The following LIPG variants were observed in gnomAD, a reference collection of about 807,000 sequenced individuals.
The protein encoded by LIPG is lipase G, endothelial type, also known as endothelial lipase.
In LIPG, 34 loss-of-function variants were observed where a neutral mutation model predicts 51.8. The observed-to-expected ratio is 0.66, with a 90% CI of 0.50 to 0.87. The LOEUF (loss-of-function observed/expected upper bound fraction) is 0.87. Ranked by LOEUF, LIPG falls within the 40% of genes least tolerant of loss-of-function variation. The pLI is 0.00. For missense variants in LIPG, 580 were observed against 652.7 expected, an observed-to-expected ratio of 0.89 and a Z score of 1.21; for synonymous variants, 246 against 246.1, an observed-to-expected ratio of 1.00 and a Z score of 0.00.
chr18:49,582,118 C>T (rs1179633204), intron 6 of LIPG, among the ~76,000 whole-genome samples: 1 of 152,068 alleles, frequency 6.6e-6, no homozygotes, highest in East Asian at 1.9e-4. Context: ...TCCAGGGGCA[C>T]GTAGTTAGAA....
Position 49,594,067 on chromosome 18 carries a change from G to C in LIPG, c.*3545G>C, listed in dbSNP as rs1410746257. 1.3e-5 allele frequency: 2 copies of C among 152,084 alleles called. No individual in the cohort carries two copies. The highest frequency in any genetic ancestry group is 2.9e-5 in the Non-Finnish European group (2 of 68,026). 9.4% of individuals were successfully genotyped at this position (152,084 alleles called of 1,614,324 possible). On this transcript the variant is annotated 3_prime_UTR_variant, in exon 10 of 10. Transcript: ENST00000261292. ...ATTAACTCTAGTTTTACCCTTCAGT[G>C]GTATAGGACACTAGAATTTATTCCT...
Position 49,596,824 on chromosome 18 carries a change from C to T in LIPG, c.*6302C>T, listed in dbSNP as rs532517016. The T allele has an allele frequency of 6.6e-6, 1 of 152,050 alleles. No individual in the cohort carries two copies. The highest frequency in any genetic ancestry group is 1.9e-4 in the East Asian group (1 of 5,182). The allele number at this position is 152,050 out of a possible 1,614,324, so 9.4% of individuals were successfully genotyped here. A position where few individuals can be genotyped will look rare whatever the true frequency, so the allele number is the denominator to read the frequency against. On this transcript the variant is annotated 3_prime_UTR_variant, in exon 10 of 10. Coordinates refer to ENST00000261292, the MANE Select transcript of LIPG (RefSeq NM_006033.4). ...TCATGTAGCTCCAAGTATTTCCCCC[C>T]CTCATATCCCTCAAGTGCTCCATTT...
chr18:49,569,967 C>T (rs765064281), intron 4 of LIPG, among the ~76,000 whole-genome samples: 1 of 152,216 alleles, frequency 6.6e-6, no homozygotes, highest in Non-Finnish European at 1.5e-5. Context: ...GCTAATAACT[C>T]AAGAGCGGAA....
At chr18:49,587,370 A>G (rs1384685356) in intron 9 of LIPG, among the ~76,000 whole-genome samples, 1 of 152,044 alleles carries the variant, frequency 6.6e-6, no homozygotes, top group Non-Finnish European at 1.5e-5. Context: ...GGAGATCGAC[A>G]CAATCCTGGC....
intron 6 of LIPG, 121 bp from the exon 7 acceptor site, chr18:49,582,241 C>A: frequency 3.2e-6 from 4 of 1,235,012 alleles, no homozygotes; most frequent in Non-Finnish European, 4.7e-6. Flanking sequence ...GGGCTGCAGG[C>A]TGGGCTCAAC....
chr18:49,589,326 T>C (rs1308375271), intron 9 of LIPG: 1 of 152,208 alleles, frequency 6.6e-6, no homozygotes, highest in Non-Finnish European at 1.5e-5. Context: ...CTCGTATGAT[T>C]TTCTACTACT....
At chr18:49,561,615 C>A (rs574497376), upstream of LIPG, 8 of 1,163,796 alleles carry the variant, frequency 6.9e-6, no homozygotes, top group Non-Finnish European at 8.6e-6. Flanking sequence ...TGGCTCTCCC[C>A]CGACGGACTC....
In LIPG at chr18:49,597,206, A is replaced by G. The variant is rs1327275640; in HGVS notation, c.*6684A>G. 4 of 152,220 alleles carry G rather than the reference A, an allele frequency of 2.6e-5. No homozygotes were observed. Among genetic ancestry groups the G allele is most frequent in the South Asian group, 4.1e-4 (2 of 4,832 alleles). 9.4% of individuals were successfully genotyped at this position (152,220 alleles called of 1,614,324 possible). ...AGGGCAGCCACCTTACACATAGGCT[A>G]GATCTGCTTGGGAATCTTTCTTCTA... is the stretch of plus-strand genomic sequence containing the variant. On this transcript the variant is annotated 3_prime_UTR_variant, in exon 10 of 10. Transcript: ENST00000261292.
At position 49,562,199 on chromosome 18, in the gene LIPG, A is replaced by G; in HGVS notation, c.-110A>G. ...CCACCTTCTCTGCCTCCAGTCCCCCAGCCCCTGGCCGAGAGAAGGGTCTTA... is the reference window on the plus strand; with the variant it reads ...CCACCTTCTCTGCCTCCAGTCCCCCGGCCCCTGGCCGAGAGAAGGGTCTTA... On this transcript the variant is annotated 5_prime_UTR_variant, in exon 1 of 10. Transcript: ENST00000261292. 1.9e-6 allele frequency: 3 copies of G among 1,588,518 alleles called. No individual in the cohort carries two copies. In the South Asian group the frequency reaches 3.4e-5, roughly 18 times the overall value.
intron 5 of LIPG, 121 bp from the exon 6 acceptor site, chr18:49,581,294 T>G: frequency 7.1e-7 from 1 of 1,415,968 alleles, no homozygotes; most frequent in Non-Finnish European, 9.9e-7. Flanking sequence ...AAGAATTACA[T>G]GAAAATACTA....
At chr18:49,574,429 C>T (rs113569651) in intron 4 of LIPG, among the ~76,000 whole-genome samples, 1,874 of 152,260 alleles carry the variant, frequency 0.012, 26 homozygotes, top group African/African-American at 0.042. Flanking sequence ...GGAGTTCAGG[C>T]ACTTGGGAAT....
At chr18:49,586,240 T>A (rs1330885977) in intron 8 of LIPG, among the ~76,000 whole-genome samples, 1 of 152,210 alleles carries the variant, frequency 6.6e-6, no homozygotes, top group Non-Finnish European at 1.5e-5. Context: ...AGAGGTACTT[T>A]GAATCACTCC....
At position 49,582,398 on chromosome 18, in the gene LIPG, A is replaced by G; in HGVS notation, c.1073A>G (p.Tyr358Cys). The G allele has an allele frequency of 6.2e-7, 1 of 1,613,978 alleles. No homozygotes were observed. The highest frequency in any genetic ancestry group is 8.5e-7 in the Non-Finnish European group (1 of 1,179,790). The change falls in exon 7 of 10, where the codon TAC (tyrosine) becomes TGC (cysteine). Residue 358 changes from tyrosine to cysteine, a missense_variant. Physicochemically the swap from Tyr to Cys is radical, Grantham distance 194. Coordinates refer to ENST00000261292, the MANE Select transcript of LIPG (RefSeq NM_006033.4). The part of the protein sequence containing the change: ...HYQMKIHVFS[Y>C]KNMGEIEPTF... ...CAGATGAAAATCCATGTCTTCAGTT[A>G]CAAGAACATGGGAGAAATTGAGCCC...
rs1324775053 is a variant in LIPG at position 49,565,369 on chromosome 18, G to T, written c.150G>T (p.Arg50Ser). ...AGACTGAGGTCAAACCATCTGTGAG[G>T]TTTAACCTCCGCACCTCCAAGGACC... ...ATQTEVKPSV[R>S]FNLRTSKDPE... The change falls in exon 2 of 10, where the codon AGG (arginine) becomes AGT (serine). Residue 50 changes from arginine (R) to serine (S), a missense_variant. By Grantham distance (110) the Arg-to-Ser change is moderately radical. Transcript: ENST00000261292. 6 of 1,614,170 alleles carry T rather than the reference G, an allele frequency of 3.7e-6. No homozygotes were observed. In the South Asian group the frequency reaches 6.6e-5, roughly 18 times the overall value.
chr18:49,584,556 C>T (rs1006390441), intron 8 of LIPG, among the ~76,000 whole-genome samples: 1 of 152,236 alleles, frequency 6.6e-6, no homozygotes, highest in Admixed American at 6.5e-5. Context: ...TGGGAGGAGG[C>T]AGCTGCCTCC....
intron 1 of LIPG, among the ~76,000 whole-genome samples, chr18:49,563,753 A>G (rs1311210408): frequency 6.6e-6 from 1 of 152,078 alleles, no homozygotes; most frequent in African/African-American, 2.4e-5. Flanking sequence ...TGGGTGAGGA[A>G]CAATCAGAAA....
chr18:49,561,692 TCCTTC>T, upstream of LIPG: 1 of 1,243,742 alleles, frequency 8.0e-7, no homozygotes, highest in Non-Finnish European at 1.0e-6. Flanking sequence ...GAGGATGCTC[TCCTTC>T]TCCAGGGATC....
In LIPG at chr18:49,590,495, T is replaced by C. The variant is rs745612934; in HGVS notation, c.1482-6T>C. The C allele has an allele frequency of 1.9e-6, 3 of 1,602,182 alleles. No individual in the cohort carries two copies. The highest frequency in any genetic ancestry group is 3.4e-5 in the Admixed American group (2 of 59,004). On this transcript the variant is annotated splice_polypyrimidine_tract_variant and splice_region_variant and intron_variant, in intron 9 of 9. Transcript: ENST00000261292. ...ACAAATGCCACTCTCACACGGTTTC[T>C]TTCAGTCCCACTGTGGAGCTTCCCT...
At chr18:49,567,357 G>A in intron 2 of LIPG, 85 bp from the exon 3 acceptor site, 2 of 1,389,426 alleles carry the variant, frequency 1.4e-6, no homozygotes, top group Non-Finnish European at 2.0e-6. Flanking sequence ...AATTAATTGG[G>A]AAGAGGGTCA....
Sources: allele counts gnomAD v4.1 joint callset (sites outside exome capture counted in the v4.1 genomes callset), GRCh38; gene constraint gnomAD v4.1.1; transcripts MANE v1.5; gene names NCBI Gene and HGNC (gene_info 2026-07-23, HGNC 2026-07-21).